The following RALYL variants were observed in gnomAD, a reference collection of about 807,000 sequenced individuals.
The protein encoded by RALYL is RALY RNA binding protein like, also known as RNA-binding Raly-like protein.
Under a neutral mutation model 35.1 loss-of-function variants are expected in RALYL, and 29 were observed. The observed-to-expected ratio is 0.83, with a 90% CI of 0.61 to 1.13. The LOEUF (loss-of-function observed/expected upper bound fraction) is 1.13. RALYL is among the 50% of genes most tolerant of loss of function. The pLI is 0.00. For synonymous variants in RALYL, 120 were observed against 127.6 expected (o/e 0.94, Z 0.40); for missense variants, 359 against 360.4 (o/e 1.00, Z 0.03).
intron 1 of RALYL, among the ~76,000 whole-genome samples, chr8:84,510,484 G>C (rs183646713): frequency 6.6e-6 from 1 of 151,906 alleles, no homozygotes; most frequent in Non-Finnish European, 1.5e-5. Context: ...AGAAATCCTC[G>C]GTAGCAATTT....
chr8:84,913,970 A>G (rs1848004827), intron 8 of RALYL, among the ~76,000 whole-genome samples: 1 of 152,010 alleles, frequency 6.6e-6, no homozygotes, highest in Non-Finnish European at 1.5e-5. Flanking sequence ...TATACAGTAA[A>G]TTTAATTAAA....
chr8:84,212,747 A>G (rs1340823261), intron 1 of RALYL, among the ~76,000 whole-genome samples: 1 of 152,180 alleles, frequency 6.6e-6, no homozygotes, highest in East Asian at 1.9e-4. Flanking sequence ...AATATGCTCT[A>G]TGAGTTTATG....
chr8:84,570,564 C>A (rs1330999823), intron 2 of RALYL, among the ~76,000 whole-genome samples: 1 of 151,828 alleles, frequency 6.6e-6, no homozygotes, highest in Non-Finnish European at 1.5e-5. Flanking sequence ...ATTTGGATGC[C>A]TTTTATTTCC....
chr8:84,335,755 T>C (rs1847693261), intron 1 of RALYL, among the ~76,000 whole-genome samples: 1 of 133,554 alleles, frequency 7.5e-6, no homozygotes, highest in African/African-American at 3.0e-5. Flanking sequence ...CCAAATCATT[T>C]GCTCATCTTA....
At chr8:84,617,324 AT>A (rs1820001193) in intron 2 of RALYL, among the ~76,000 whole-genome samples, 2 of 151,242 alleles carry the variant, frequency 1.3e-5, no homozygotes. Flanking sequence ...TGTAAGTTGG[AT>A]TCCTAGGTAT....
At chr8:84,334,277 T>C (rs73293096) in intron 1 of RALYL, among the ~76,000 whole-genome samples, 1,899 of 152,228 alleles carry the variant, frequency 0.012, 54 homozygotes, top group African/African-American at 0.043. Flanking sequence ...TATTTGATCA[T>C]CAGGAAATGT....
intron 2 of RALYL, among the ~76,000 whole-genome samples, chr8:84,658,213 C>T (rs1343703772): frequency 2.0e-5 from 3 of 152,158 alleles, no homozygotes; most frequent in Non-Finnish European, 2.9e-5. Context: ...ATATTCATGA[C>T]TCTTCCTATA....
chr8:84,331,711 G>A (rs1427306966), intron 1 of RALYL, among the ~76,000 whole-genome samples: 1 of 151,698 alleles, frequency 6.6e-6, no homozygotes, highest in Non-Finnish European at 1.5e-5. Flanking sequence ...TGACTAAGCA[G>A]TGCATAAAGC....
At chr8:84,470,465 TG>T (rs11333595) in intron 1 of RALYL, among the ~76,000 whole-genome samples, 8,410 of 130,658 alleles carry the variant, frequency 0.064, 554 homozygotes, top group African/African-American at 0.17. Context: ...ACTGATTGTA[TG>T]GGTTTTTTTT....
intron 1 of RALYL, among the ~76,000 whole-genome samples, chr8:84,277,880 C>T (rs1489898807): frequency 6.6e-6 from 1 of 152,210 alleles, no homozygotes; most frequent in East Asian, 1.9e-4. Context: ...CAGCCTCGCT[C>T]CTGGCTGCTT....
At chr8:84,526,720 T>C (rs1042238478) in intron 1 of RALYL, among the ~76,000 whole-genome samples, 1 of 152,322 alleles carries the variant, frequency 6.6e-6, no homozygotes, top group African/African-American at 2.4e-5. Context: ...GATCTGTATC[T>C]CCTCAACTCA....
chr8:84,343,938 T>C (rs1470419053), intron 1 of RALYL, among the ~76,000 whole-genome samples: 2 of 152,020 alleles, frequency 1.3e-5, no homozygotes, highest in East Asian at 1.9e-4. Context: ...TATATAAAAG[T>C]TTAAAGATAA....
At chr8:84,253,696 G>A (rs1830676364) in intron 1 of RALYL, among the ~76,000 whole-genome samples, 2 of 152,170 alleles carry the variant, frequency 1.3e-5, no homozygotes, top group South Asian at 2.1e-4. Flanking sequence ...TTTGGATCTT[G>A]TTTTTGCATA....
chr8:84,896,774 C>A (rs1383135190), intron 8 of RALYL, among the ~76,000 whole-genome samples: 1 of 152,162 alleles, frequency 6.6e-6, no homozygotes, highest in Non-Finnish European at 1.5e-5. Context: ...CCACAAATTT[C>A]ATATAAGTAA....
At chr8:84,811,444 A>C (rs1425014571) in intron 4 of RALYL, among the ~76,000 whole-genome samples, 1 of 152,070 alleles carries the variant, frequency 6.6e-6, no homozygotes, top group Non-Finnish European at 1.5e-5. Context: ...ACATCTCTTA[A>C]GATTCTTTCC....
At chr8:84,506,856 G>A (rs917932923) in intron 1 of RALYL, among the ~76,000 whole-genome samples, 1 of 151,902 alleles carries the variant, frequency 6.6e-6, no homozygotes, top group African/African-American at 2.4e-5. Flanking sequence ...AAATTTTCCA[G>A]ATAACAGATA....
intron 3 of RALYL, among the ~76,000 whole-genome samples, chr8:84,787,966 G>C (rs954948584): frequency 5.3e-5 from 8 of 152,140 alleles, no homozygotes; most frequent in Non-Finnish European, 1.0e-4. Context: ...CATTCTGTAG[G>C]TTGCCTGTTA....
chr8:84,644,351 C>T (rs1455611788), intron 2 of RALYL, among the ~76,000 whole-genome samples: 1 of 151,966 alleles, frequency 6.6e-6, no homozygotes, highest in South Asian at 2.1e-4. Flanking sequence ...TATTGAACAT[C>T]TTGTATGAGC....
intron 2 of RALYL, among the ~76,000 whole-genome samples, chr8:84,735,395 T>A (rs1194508179): frequency 2.0e-5 from 3 of 152,090 alleles, no homozygotes; most frequent in African/African-American, 4.8e-5. Flanking sequence ...TTTTTAAAAA[T>A]TTTTCTCATA....
Sources: gnomAD v4.1 joint callset for allele counts (sites outside exome capture counted in the v4.1 genomes callset) on GRCh38, gnomAD v4.1.1 for gene constraint, MANE v1.5 for transcripts, NCBI Gene and HGNC (gene_info 2026-07-23, HGNC 2026-07-21) for gene names.